STPG2: variants seen among roughly 807,000 people sequenced by gnomAD.
STPG2 encodes the protein sperm-tail PG-rich repeat-containing protein 2.
Under a neutral mutation model 54.2 loss-of-function variants are expected in STPG2, and 56 were observed. That is an observed-to-expected ratio of 1.03 (90% CI 0.83 to 1.29). STPG2 has a LOEUF of 1.29. Among genes scored for constraint, STPG2 ranks in the 50% most tolerant of loss-of-function variants. STPG2 has a pLI of 0.00. For missense variants in STPG2, 596 were observed against 544.9 expected (o/e 1.09, Z -0.93); for synonymous variants, 200 against 181.8 (o/e 1.10, Z -0.81).
At chr4:97,845,750 T>C (rs1452897499) in intron 8 of STPG2, among the ~76,000 whole-genome samples, 1 of 152,180 alleles carries the variant, frequency 6.6e-6, no homozygotes, top group South Asian at 2.1e-4. Context: ...AAAATTATTG[T>C]TTGAAAGATA....
chr4:97,668,526 C>G (rs1722592900), intron 10 of STPG2, among the ~76,000 whole-genome samples: 1 of 151,692 alleles, frequency 6.6e-6, no homozygotes, highest in South Asian at 2.1e-4. Flanking sequence ...TTAAAAATGA[C>G]TGTGAGAATA....
chr4:97,549,208 G>C (rs7697267), intron 4 of STPG2, among the ~76,000 whole-genome samples: 2,296 of 152,146 alleles, frequency 0.015, 58 homozygotes, highest in African/African-American at 0.053. Context: ...CTGCAGTTAG[G>C]ATAAGGTATA....
rs1454558244 is a variant in STPG2 at position 97,636,768 on chromosome 4, T to C, written c.1320+75931A>G. On this transcript the variant is annotated intron_variant, in intron 10 of 10. Transcript: ENST00000295268. ...AGAAATGGATAAATTCCTTGATACA[T>C]ACACTCTCCCAAGACTAAACCAGGA... Among the ~76,000 whole-genome samples, 5 of 152,178 alleles carry C rather than the reference T, an allele frequency of 3.3e-5. No individual in the cohort carries two copies. The South Asian group carries it at 8.3e-4, about 25-fold the overall frequency.
At position 97,820,695 on chromosome 4, in the gene STPG2, C is replaced by A. The variant is rs185708053; in HGVS notation, c.1204+20078G>T. ...AGAAGCATGGCACTGACATCTGCTT[C>A]AATGTGGGGAGGTCTCAGGTAGTTT... On this transcript the variant is annotated intron_variant, in intron 9 of 10. Coordinates refer to ENST00000295268, the MANE Select transcript of STPG2 (RefSeq NM_174952.3). Among the ~76,000 whole-genome samples, 172 of 152,256 alleles carry A rather than the reference C, an allele frequency of 1.1e-3. 1 individual carries two copies. The highest frequency in any genetic ancestry group is 6.1e-3 in the Admixed American group (94 of 15,288).
At chr4:97,512,889 C>G (rs1731001996) in intron 4 of STPG2, among the ~76,000 whole-genome samples, 1 of 152,064 alleles carries the variant, frequency 6.6e-6, no homozygotes, top group African/African-American at 2.4e-5. Context: ...GCAGATGATT[C>G]TGCAGCAGAC....
chr4:97,929,830 G>A (rs752571653), intron 8 of STPG2, among the ~76,000 whole-genome samples: 5 of 152,134 alleles, frequency 3.3e-5, no homozygotes, highest in Admixed American at 6.6e-5. Flanking sequence ...TAGGCTGTCT[G>A]CTCACTCTGT....
intron 5 of STPG2, among the ~76,000 whole-genome samples, chr4:98,020,529 T>C (rs1376026931): frequency 6.6e-6 from 1 of 152,118 alleles, no homozygotes; most frequent in Non-Finnish European, 1.5e-5. Context: ...GATACTGGCC[T>C]GATAAAATGA....
chr4:97,548,114 C>A (rs1731883639), intron 4 of STPG2, among the ~76,000 whole-genome samples: 1 of 152,106 alleles, frequency 6.6e-6, no homozygotes, highest in African/African-American at 2.4e-5. Context: ...CACGCCATTG[C>A]ACTCCAGCCT....
intron 5 of STPG2, among the ~76,000 whole-genome samples, chr4:98,027,220 TTGGAAAGTCTCTTTTA>T (rs1368153668): frequency 6.6e-6 from 1 of 152,196 alleles, no homozygotes; most frequent in Non-Finnish European, 1.5e-5. Context: ...CTTAATCACA[TTGGAAAGTCTCTTTTA>T]CCATGTCAAA....
intron 10 of STPG2, among the ~76,000 whole-genome samples, chr4:97,621,434 A>T (rs1030043424): frequency 1.8e-4 from 28 of 152,266 alleles, no homozygotes; most frequent in African/African-American, 6.3e-4. Context: ...GCAATCAGAA[A>T]TGACAAAGGA....
At chr4:97,447,053 CA>C (rs1161826989) in intron 4 of STPG2, among the ~76,000 whole-genome samples, 4 of 152,092 alleles carry the variant, frequency 2.6e-5, no homozygotes, top group Non-Finnish European at 5.9e-5. Context: ...TGGTTTTGAC[CA>C]AAATGCTGAT....
intron 5 of STPG2, among the ~76,000 whole-genome samples, chr4:97,987,529 A>T (rs1734866481): frequency 6.6e-6 from 1 of 152,130 alleles, no homozygotes; most frequent in South Asian, 2.1e-4. Flanking sequence ...AGTTTTTTAT[A>T]TTCTTAGTCA....
At chr4:97,760,185 T>G (rs1725849308) in intron 9 of STPG2, among the ~76,000 whole-genome samples, 1 of 152,190 alleles carries the variant, frequency 6.6e-6, no homozygotes. Context: ...TATCAGCAAA[T>G]TTATCACAAT....
chr4:98,025,996 G>A, intron 5 of STPG2: 2 of 1,052,164 alleles, frequency 1.9e-6, no homozygotes, highest in South Asian at 1.3e-5. Context: ...CCAGAATGTT[G>A]CAGAATGTTG....
chr4:97,475,965 TTA>T (rs1730060132), intron 4 of STPG2, among the ~76,000 whole-genome samples: 1 of 152,158 alleles, frequency 6.6e-6, no homozygotes, highest in African/African-American at 2.4e-5. Context: ...GTTAACTTGT[TTA>T]TATGTTTATT....
At chr4:97,555,328 G>A (rs1031280554), downstream of STPG2, among the ~76,000 whole-genome samples, 33 of 152,112 alleles carry the variant, frequency 2.2e-4, 1 homozygote, top group African/African-American at 7.2e-4. Flanking sequence ...TTTTTGCCTT[G>A]TTAGTCCATC....
At chr4:98,115,653 C>A (rs566298258) in intron 3 of STPG2, among the ~76,000 whole-genome samples, 1 of 152,042 alleles carries the variant, frequency 6.6e-6, no homozygotes, top group South Asian at 2.1e-4. Flanking sequence ...CCTCTGGAAA[C>A]TAAACCCACA....
intron 8 of STPG2, among the ~76,000 whole-genome samples, chr4:97,935,377 TC>T (rs1732710125): frequency 6.6e-6 from 1 of 152,178 alleles, no homozygotes; most frequent in South Asian, 2.1e-4. Flanking sequence ...CATCTCCATC[TC>T]CTTCAGTTCC....
chr4:97,883,581 T>A (rs1449536126), intron 8 of STPG2, among the ~76,000 whole-genome samples: 1 of 151,596 alleles, frequency 6.6e-6, no homozygotes, highest in Non-Finnish European at 1.5e-5. Flanking sequence ...ACAAAACAAG[T>A]GTTAGAAATG....
Sources: allele counts gnomAD v4.1 joint callset (sites outside exome capture counted in the v4.1 genomes callset), GRCh38; gene constraint gnomAD v4.1.1; transcripts MANE v1.5; gene names NCBI Gene and HGNC (gene_info 2026-07-23, HGNC 2026-07-21).